SLC36A2: variants seen among roughly 807,000 people sequenced by gnomAD.
SLC36A2 encodes the protein solute carrier family 36 member 2.
SLC36A2 carries 39 observed loss-of-function variants against 42.7 expected under a neutral mutation model. That is an observed-to-expected ratio of 0.91 (90% CI 0.71 to 1.19). SLC36A2 has a LOEUF of 1.19. Ranked by LOEUF, SLC36A2 falls within the 50% of genes most tolerant of loss-of-function variation. SLC36A2 has a pLI of 0.00. For missense variants in SLC36A2, 590 were observed against 613.7 expected (o/e 0.96, Z 0.41); for synonymous variants, 237 against 240.8 (o/e 0.98, Z 0.15).
At chr5:151,344,349 A>G in intron 1 of SLC36A2, 82 bp from the exon 2 acceptor site, 1 of 1,181,988 alleles carries the variant, frequency 8.5e-7, no homozygotes, top group Non-Finnish European at 1.2e-6. Context: ...GCATGCCAGC[A>G]CCTGATAGGC....
At chr5:151,343,844 C>T (rs562958100) in intron 2 of SLC36A2, among the ~76,000 whole-genome samples, 11 of 152,274 alleles carry the variant, frequency 7.2e-5, no homozygotes, top group Non-Finnish European at 1.5e-4. Flanking sequence ...GACAGAGAAT[C>T]CTGACCATGT....
chr5:151,339,199 T>A, intron 4 of SLC36A2, 55 bp from the exon 5 acceptor site: 1 of 1,399,032 alleles, frequency 7.1e-7, no homozygotes, highest in Non-Finnish European at 1.0e-6. Flanking sequence ...AGTCAACTTG[T>A]CAGTTCCATT....
intron 7 of SLC36A2, among the ~76,000 whole-genome samples, chr5:151,332,143 C>T (rs1269836527): frequency 2.6e-5 from 4 of 151,752 alleles, no homozygotes; most frequent in Non-Finnish European, 4.4e-5. Flanking sequence ...CTGAGATTAC[C>T]GACGTGAACC....
chr5:151,333,079 G>T, intron 7 of SLC36A2, 145 bp downstream of exon 7: 1 of 734,918 alleles, frequency 1.4e-6, no homozygotes, highest in Non-Finnish European at 2.4e-6. Context: ...TCCCAAGTAA[G>T]GCCAGAGGTT....
intron 4 of SLC36A2, among the ~76,000 whole-genome samples, chr5:151,340,192 GGAGGAGGAGGA>G (rs1236954487): frequency 9.6e-6 from 1 of 104,658 alleles, no homozygotes; most frequent in Non-Finnish European, 1.6e-5. Context: ...AGGAAGAGGT[GGAGGAGGAGGA>G]GAGGAGGAGG....
At chr5:151,342,540 C>A (rs1464562968) in intron 4 of SLC36A2, among the ~76,000 whole-genome samples, 1 of 152,226 alleles carries the variant, frequency 6.6e-6, no homozygotes, top group Non-Finnish European at 1.5e-5. Flanking sequence ...CTATTCTAGG[C>A]TGTTTAATGT....
chr5:151,316,725 A>G lies in SLC36A2; in HGVS notation c.*92T>C. 16 of 1,465,846 alleles carry G rather than the reference A, an allele frequency of 1.1e-5. No individual in the cohort carries two copies. The highest frequency in any genetic ancestry group is 1.2e-5 in the Non-Finnish European group (13 of 1,091,342). The allele number at this position is 1,465,846 out of a possible 1,614,324, so 90.8% of individuals were successfully genotyped here. A position where few individuals can be genotyped will look rare whatever the true frequency, so the allele number is the denominator to read the frequency against. On this transcript the variant is annotated 3_prime_UTR_variant, in exon 10 of 10. Coordinates refer to ENST00000335244, the MANE Select transcript of SLC36A2 (RefSeq NM_181776.3). ...ATTGTACTCCAGTCTGGGCAACAAG[A>G]CAGAAACTCCGTCTCAAAAAAAAAA...
At chr5:151,317,187 C>G in intron 9 of SLC36A2, 99 bp from the exon 10 acceptor site, 5 of 1,477,660 alleles carry the variant, frequency 3.4e-6, no homozygotes, top group Non-Finnish European at 3.7e-6. Context: ...CACAGTGGCT[C>G]ACACTTGTAA....
chr5:151,331,384 A>AGAGAGC, intron 7 of SLC36A2, among the ~76,000 whole-genome samples: 1 of 150,562 alleles, frequency 6.6e-6, no homozygotes, highest in African/African-American at 2.4e-5. Context: ...TGGTACAATC[A>AGAGAGC]TAGCTCACTG....
At chr5:151,318,776 T>A (rs1022004214) in intron 9 of SLC36A2, among the ~76,000 whole-genome samples, 1 of 151,984 alleles carries the variant, frequency 6.6e-6, no homozygotes, top group Non-Finnish European at 1.5e-5. Flanking sequence ...TAAAGAAGTG[T>A]CTTCTCCAGG....
chr5:151,324,338 T>TTTAA (rs1755791658), intron 8 of SLC36A2, among the ~76,000 whole-genome samples: 1 of 138,948 alleles, frequency 7.2e-6, no homozygotes, highest in African/African-American at 3.4e-5. Flanking sequence ...TATTTATTTA[T>TTTAA]TTATTTATTT....
chr5:151,322,912 A>G lies in SLC36A2; in HGVS notation c.1011-697T>C, dbSNP rs186495908. ...AGATGTGACTGTTTTCCTTCAGTCC[A>G]CTAATGCAGTAGATGCATTTCCATG... On this transcript the variant is annotated intron_variant, in intron 8 of 9. Transcript: ENST00000335244. 3.0e-4 allele frequency among the ~76,000 whole-genome samples: 46 copies of G among 152,292 alleles called. No homozygotes were observed. The East Asian group carries it at 7.9e-3, about 26-fold the overall frequency.
chr5:151,331,696 T>C (rs1756000038), intron 7 of SLC36A2, among the ~76,000 whole-genome samples: 2 of 152,096 alleles, frequency 1.3e-5, no homozygotes, highest in Non-Finnish European at 2.9e-5. Flanking sequence ...AATTGGAATT[T>C]ATCAAAATCA....
At chr5:151,334,814 G>T (rs778176914) in intron 6 of SLC36A2, among the ~76,000 whole-genome samples, 85 of 152,112 alleles carry the variant, frequency 5.6e-4, no homozygotes, top group Non-Finnish European at 6.5e-4. Flanking sequence ...CATTATAATA[G>T]ATTTGCTTAT....
intron 4 of SLC36A2, among the ~76,000 whole-genome samples, chr5:151,340,235 A>AAGG (rs1756299216): frequency 2.8e-5 from 4 of 141,366 alleles, no homozygotes; most frequent in African/African-American, 1.1e-4. Flanking sequence ...GAGGAAGGGG[A>AAGG]GGAGGAGGAG....
chr5:151,343,429 C>T (rs1240045738), intron 3 of SLC36A2, 81 bp downstream of exon 3: 1 of 1,388,622 alleles, frequency 7.2e-7, no homozygotes, highest in African/African-American at 1.4e-5. Context: ...AAGTAAATTT[C>T]TATTATGCAT....
intron 5 of SLC36A2, among the ~76,000 whole-genome samples, chr5:151,336,704 CATT>C (rs1756169044): frequency 2.7e-5 from 4 of 147,356 alleles, no homozygotes; most frequent in African/African-American, 1.0e-4. Flanking sequence ...CCCCCCCACA[CATT>C]ATGAACACCC....
chr5:151,332,420 A>G (rs1030024488), intron 7 of SLC36A2: 3 of 456,024 alleles, frequency 6.6e-6, no homozygotes, highest in Non-Finnish European at 1.3e-5. Context: ...CCTGTACACA[A>G]ATGCTTACGG....
At chr5:151,318,000 A>G (rs1338269919) in intron 9 of SLC36A2, among the ~76,000 whole-genome samples, 2 of 152,248 alleles carry the variant, frequency 1.3e-5, no homozygotes, top group Non-Finnish European at 2.9e-5. Flanking sequence ...AAGATATGAC[A>G]GTTTCAGATA....
Sources: allele counts gnomAD v4.1 joint callset (sites outside exome capture counted in the v4.1 genomes callset), GRCh38; gene constraint gnomAD v4.1.1; transcripts MANE v1.5; gene names NCBI Gene and HGNC (gene_info 2026-07-23, HGNC 2026-07-21).